Variants in GFPT2 observed in about 807,000 individuals in gnomAD.
GFPT2 encodes glutamine--fructose-6-phosphate aminotransferase [isomerizing] 2.
A neutral mutation model predicts 85.6 loss-of-function variants in GFPT2; 62 were observed. The ratio of observed to expected loss-of-function variants is 0.72; its 90% CI spans 0.59 to 0.90. The LOEUF (loss-of-function observed/expected upper bound fraction) is 0.90. Ranked by LOEUF, GFPT2 falls within the 40% of genes least tolerant of loss-of-function variation. The pLI is 0.00. For missense variants in GFPT2, 788 were observed against 893.4 expected, an observed-to-expected ratio of 0.88 and a Z score of 1.50; for synonymous variants, 368 against 344.5, an observed-to-expected ratio of 1.07 and a Z score of -0.75.
At position 180,353,243 on chromosome 5, in the gene GFPT2, C is replaced by T. The variant is rs1561887298; in HGVS notation, c.-26G>A. The T allele has an allele frequency of 2.4e-6, 3 of 1,241,508 alleles. No homozygotes were observed. The highest frequency in any genetic ancestry group is 3.0e-6 in the Non-Finnish European group (3 of 988,432). 76.9% of individuals were successfully genotyped at this position (1,241,508 alleles called of 1,614,324 possible). A position where few individuals can be genotyped will look rare whatever the true frequency, so the allele number is the denominator to read the frequency against. ...CGTGGCTGCTTCTCGGGCTCCTTCGCGGCTCGAGGGGGTCTGCCCGTTCGG... is the reference window on the plus strand; with the variant it reads ...CGTGGCTGCTTCTCGGGCTCCTTCGTGGCTCGAGGGGGTCTGCCCGTTCGG... On this transcript the variant is annotated 5_prime_UTR_variant, in exon 1 of 19. Coordinates refer to ENST00000253778, the MANE Select transcript of GFPT2 (RefSeq NM_005110.4).
At chr5:180,351,700 G>A (rs1026956713) in intron 1 of GFPT2, among the ~76,000 whole-genome samples, 1 of 152,142 alleles carries the variant, frequency 6.6e-6, no homozygotes, top group Admixed American at 6.5e-5. Flanking sequence ...AAAAACACTT[G>A]TGATTTTGTG....
At chr5:180,310,635 T>C (rs534182562) in intron 15 of GFPT2, among the ~76,000 whole-genome samples, 1 of 151,622 alleles carries the variant, frequency 6.6e-6, no homozygotes, top group East Asian at 2.0e-4. Flanking sequence ...GGTCTCGAAC[T>C]CCTGACCGCA....
rs573758189 is a variant in GFPT2, at chr5:180,308,926, G to C, written c.1547-1623C>G. On this transcript the variant is annotated intron_variant, in intron 15 of 18. Transcript: ENST00000253778. ...ACTCTGTCACCCAACCTGGGGTGCAGTGGCACGATCTCGGCTCACTGTAAC... is the reference window on the plus strand; with the variant it reads ...ACTCTGTCACCCAACCTGGGGTGCACTGGCACGATCTCGGCTCACTGTAAC... 1.1e-4 allele frequency among the ~76,000 whole-genome samples: 16 copies of C among 151,590 alleles called. No individual in the cohort carries two copies. The South Asian group carries it at 3.3e-3, about 32-fold the overall frequency.
At chr5:180,349,786 A>C (rs1326992801) in intron 1 of GFPT2, among the ~76,000 whole-genome samples, 1 of 152,130 alleles carries the variant, frequency 6.6e-6, no homozygotes, top group East Asian at 1.9e-4. Flanking sequence ...AGTGGAGACG[A>C]ACACACCAAC....
At chr5:180,331,387 T>C in intron 5 of GFPT2, 108 bp downstream of exon 5, 1 of 708,738 alleles carries the variant, frequency 1.4e-6, no homozygotes, top group Non-Finnish European at 2.6e-6. Flanking sequence ...TGAGTGTGGG[T>C]CTCACTCAGT....
At chr5:180,352,292 T>C (rs1581394101) in intron 1 of GFPT2, 1 of 374,142 alleles carries the variant, frequency 2.7e-6, no homozygotes, top group Non-Finnish European at 5.0e-6. Context: ...TTCCTCCAGG[T>C]CCTCCAGCCA....
intron 1 of GFPT2, among the ~76,000 whole-genome samples, chr5:180,351,365 A>C (rs1764706834): frequency 6.6e-6 from 1 of 152,134 alleles, no homozygotes; most frequent in Non-Finnish European, 1.5e-5. Flanking sequence ...AAAGGAAATA[A>C]CTTTCCCATG....
At position 180,330,521 on chromosome 5, in the gene GFPT2, T is replaced by G. The variant is rs1764283285; in HGVS notation, c.534+179A>C. 6.6e-6 allele frequency among the ~76,000 whole-genome samples: 1 copy of G among 152,050 alleles called. No individual in the cohort carries two copies. Among genetic ancestry groups the G allele is most frequent in the Admixed American group, 6.5e-5 (1 of 15,268 alleles). Reference sequence around the variant, plus strand: ...AGAACGTCTTCCAGTTCTACAAGAGTGTAACATCTTAAGGCCAGGCTCTGC... The same window carrying G: ...AGAACGTCTTCCAGTTCTACAAGAGGGTAACATCTTAAGGCCAGGCTCTGC... On this transcript the variant is annotated intron_variant, in intron 6 of 18. Transcript: ENST00000253778. This position sits in a 1 kb window ranked among gnomAD's most constrained non-coding sequence, Gnocchi z 4.4.
chr5:180,351,936 A>G (rs1256864836), intron 1 of GFPT2, among the ~76,000 whole-genome samples: 1 of 152,186 alleles, frequency 6.6e-6, no homozygotes, highest in East Asian at 1.9e-4. Context: ...CTTGAATGCT[A>G]CACTGAGAGG....
chr5:180,336,443 G>C (rs531380287), intron 3 of GFPT2, 36 bp downstream of exon 3: 1 of 1,148,090 alleles, frequency 8.7e-7, no homozygotes, highest in Non-Finnish European at 1.3e-6. Context: ...GGCCGGCGCT[G>C]CAGCGGCTCC....
At position 180,331,608 on chromosome 5, in the gene GFPT2, T is replaced by G. The variant is rs115152588; in HGVS notation, c.341-55A>C. 5 of 997,680 alleles carry G rather than the reference T, an allele frequency of 5.0e-6. No homozygotes were observed. In the Admixed American group the frequency reaches 7.0e-5, roughly 14 times the overall value. The allele number at this position is 997,680 out of a possible 1,614,324, so 61.8% of individuals were successfully genotyped here. On this transcript the variant is annotated intron_variant, in intron 4 of 18. Coordinates refer to ENST00000253778, the MANE Select transcript of GFPT2 (RefSeq NM_005110.4). ...TTGAGAAGGAGGTTCATGTCAGATG[T>G]GAAGAGAGATGATTTCAAGGCTTGA...
chr5:180,316,905 C>T (rs1412720637), intron 11 of GFPT2, 44 bp from the exon 12 acceptor site: 2 of 1,566,624 alleles, frequency 1.3e-6, no homozygotes, highest in South Asian at 2.2e-5. Context: ...TCTACACAGT[C>T]ACCGCATTCC....
At chr5:180,312,753 T>C (rs1763918017) in intron 14 of GFPT2, among the ~76,000 whole-genome samples, 1 of 152,002 alleles carries the variant, frequency 6.6e-6, no homozygotes, top group Non-Finnish European at 1.5e-5. Context: ...CAGTTAATTT[T>C]TAGGTTTTAT....
chr5:180,307,037 C>T lies in GFPT2; in HGVS notation c.1674+139G>A, dbSNP rs114459535. 4,390 of 655,360 alleles carry T rather than the reference C, an allele frequency of 6.7e-3. 139 individuals are homozygous for T. In the African/African-American group the frequency reaches 0.072, roughly 11 times the overall value. 40.6% of individuals were successfully genotyped at this position (655,360 alleles called of 1,614,324 possible). A position where few individuals can be genotyped will look rare whatever the true frequency, so the allele number is the denominator to read the frequency against. On this transcript the variant is annotated intron_variant, in intron 16 of 18. Transcript: ENST00000253778. ...AACCTGGTGGAGAGCTGGTGCTCAG[C>T]GCAGGCTCACAGGACTGGCCAAGGG...
At chr5:180,306,887 C>A (rs949776842) in intron 16 of GFPT2, among the ~76,000 whole-genome samples, 1 of 152,196 alleles carries the variant, frequency 6.6e-6, no homozygotes, top group Non-Finnish European at 1.5e-5. Context: ...TCCAAGTGGA[C>A]CCTGGCAGTG....
rs150033496 is a variant in GFPT2 at position 180,330,031 on chromosome 5, A to C, written c.534+669T>G. On this transcript the variant is annotated intron_variant, in intron 6 of 18. Coordinates refer to ENST00000253778, the MANE Select transcript of GFPT2 (RefSeq NM_005110.4). The surrounding 1 kb of genome is among the most constrained non-coding windows in gnomAD (Gnocchi z 4.4). ...GACATGCTGTGATATCACCTATCAC[A>C]AAAACAGGCCAGGCACAGTGGCTCA... Among the ~76,000 whole-genome samples, 92 of 152,344 alleles carry C rather than the reference A, an allele frequency of 6.0e-4. No individual in the cohort carries two copies. The highest frequency in any genetic ancestry group is 2.2e-3 in the African/African-American group (91 of 41,590).
intron 1 of GFPT2, among the ~76,000 whole-genome samples, chr5:180,343,676 A>G (rs1412923016): frequency 1.3e-5 from 2 of 152,270 alleles, no homozygotes; most frequent in African/African-American, 4.8e-5. Context: ...TGCTCTTATC[A>G]TTTAAAAATA....
rs569410222 is a variant in GFPT2 at position 180,335,142 on chromosome 5, C to T, written c.340+686G>A. On this transcript the variant is annotated intron_variant, in intron 4 of 18. Coordinates refer to ENST00000253778, the MANE Select transcript of GFPT2 (RefSeq NM_005110.4). ...CTGTGGTGCTCCAACGTGCTGTCAG[C>T]TCAGTGTTTCCAGATCCTCCAGTTT... 5.7e-4 allele frequency among the ~76,000 whole-genome samples: 87 copies of T among 152,352 alleles called. 1 individual carries two copies. The highest frequency in any genetic ancestry group is 2.0e-4 in the Admixed American group (3 of 15,308).
At chr5:180,336,967 G>A (rs761643295) in intron 2 of GFPT2, among the ~76,000 whole-genome samples, 9 of 152,242 alleles carry the variant, frequency 5.9e-5, no homozygotes, top group Non-Finnish European at 1.3e-4. Flanking sequence ...TGTTCCTCCC[G>A]TCGTCTATCG....
Sources: gnomAD v4.1 joint callset for allele counts (sites outside exome capture counted in the v4.1 genomes callset) on GRCh38, gnomAD v4.1.1 for gene constraint, Gnocchi (gnomAD v3.1) non-coding constraint, MANE v1.5 for transcripts, NCBI Gene and HGNC (gene_info 2026-07-23, HGNC 2026-07-21) for gene names.